Variants in TRHDE observed in about 807,000 individuals in gnomAD.
The protein encoded by TRHDE is thyrotropin releasing hormone degrading enzyme.
A neutral mutation model predicts 125.7 loss-of-function variants in TRHDE; 72 were observed. That is an observed-to-expected ratio of 0.57 (90% CI 0.47 to 0.70). TRHDE has a LOEUF of 0.70. Ranked by LOEUF, TRHDE falls within the 30% of genes least tolerant of loss-of-function variation. TRHDE has a pLI of 0.00. For missense variants in TRHDE, 1,110 were observed against 1,327.1 expected, an observed-to-expected ratio of 0.84 and a Z score of 2.54; for synonymous variants, 509 against 509.1, an observed-to-expected ratio of 1.00 and a Z score of 0.00.
In TRHDE at chr12:72,637,079, T is replaced by TACC. The variant is rs1873790322; in HGVS notation, c.2676-15241_2676-15239dup. 5.3e-5 allele frequency among the ~76,000 whole-genome samples: 8 copies of TACC among 152,324 alleles called. No homozygotes were observed. In the South Asian group the frequency reaches 1.2e-3, roughly 24 times the overall value. On this transcript the variant is annotated intron_variant, in intron 15 of 18. Coordinates refer to ENST00000261180, the MANE Select transcript of TRHDE (RefSeq NM_013381.3). ...ATTGGAATAGTTTCAGAAGGAATGG[T>TACC]ACCAGTTCCTCCTTGTACCTCTGGT...
intron 2 of TRHDE, among the ~76,000 whole-genome samples, chr12:72,133,594 A>T (rs1875915415): frequency 1.3e-5 from 2 of 152,182 alleles, no homozygotes; most frequent in African/African-American, 4.8e-5. Flanking sequence ...GATGGACTAA[A>T]ATTACATTAA....
intron 12 of TRHDE, among the ~76,000 whole-genome samples, chr12:72,590,960 T>G (rs1251036509): frequency 6.6e-6 from 1 of 152,196 alleles, no homozygotes; most frequent in African/African-American, 2.4e-5. Flanking sequence ...GTTCTCACAC[T>G]GAGACTGGGT....
intron 2 of TRHDE, among the ~76,000 whole-genome samples, chr12:72,198,663 A>C (rs192808487): frequency 2.2e-4 from 33 of 152,300 alleles, no homozygotes; most frequent in African/African-American, 7.9e-4. Context: ...GCTTTGGGCA[A>C]ATTCTTAATA....
chr12:72,263,119 T>C (rs996005299), intron 2 of TRHDE: 2 of 152,074 alleles, frequency 1.3e-5, no homozygotes, highest in African/African-American at 4.8e-5. Flanking sequence ...ATATAGTTCA[T>C]AAAAATAAAA....
At position 72,139,822 on chromosome 12, in the gene TRHDE, T is replaced by G. The variant is rs1289044110; in HGVS notation, n.279+34070T>G. On this transcript the variant is annotated intron_variant and non_coding_transcript_variant, in intron 2 of 4. Transcript: ENST00000548156. ...GGTCAAGGGCATTTTAAAGTAAACC[T>G]GAAACACTAGTTCTGGTCATGATGG... is the stretch of plus-strand genomic sequence containing the variant. Among the ~76,000 whole-genome samples the G allele has an allele frequency of 3.9e-5, 6 of 152,116 alleles. No individual in the cohort carries two copies. In the East Asian group the frequency reaches 9.7e-4, roughly 24 times the overall value.
chr12:72,538,842 C>T (rs938229813), intron 6 of TRHDE, among the ~76,000 whole-genome samples: 2 of 151,836 alleles, frequency 1.3e-5, no homozygotes, highest in Non-Finnish European at 2.9e-5. Context: ...TTACTTCTTC[C>T]TTGGAGTATC....
At chr12:72,164,723 G>A (rs182690893) in intron 2 of TRHDE, among the ~76,000 whole-genome samples, 34 of 152,302 alleles carry the variant, frequency 2.2e-4, no homozygotes, top group African/African-American at 8.2e-4. Context: ...AGTTTGTATA[G>A]CATTTTCACT....
chr12:72,377,865 T>A, intron 2 of TRHDE, 130 bp from the exon 3 acceptor site: 1 of 578,810 alleles, frequency 1.7e-6, no homozygotes, highest in Non-Finnish European at 2.8e-6. Flanking sequence ...TGCTTTGATA[T>A]AGTGTATGAA....
chr12:72,390,413 C>G (rs989642226), intron 3 of TRHDE, among the ~76,000 whole-genome samples: 1 of 152,030 alleles, frequency 6.6e-6, no homozygotes, highest in Admixed American at 6.6e-5. Context: ...CTGCTGACAG[C>G]AGCACTGCCA....
rs76377291 is a variant in TRHDE at position 72,621,044 on chromosome 12, T to C, written c.2470-64T>C. On this transcript the variant is annotated intron_variant, in intron 13 of 18. Coordinates refer to ENST00000261180, the MANE Select transcript of TRHDE (RefSeq NM_013381.3). ...AATATTTTAATTTTATTACAGAATT[T>C]TAATTGTCAGCATACAGAAGTTTTA... 0.018 allele frequency: 14,070 copies of C among 765,038 alleles called. 1,437 individuals are homozygous for C. The African/African-American group carries it at 0.23, about 12-fold the overall frequency. 47.4% of individuals were successfully genotyped at this position (765,038 alleles called of 1,614,324 possible). A position where few individuals can be genotyped will look rare whatever the true frequency, so the allele number is the denominator to read the frequency against.
chr12:72,462,116 G>A (rs904185519), intron 3 of TRHDE, among the ~76,000 whole-genome samples: 96 of 152,150 alleles, frequency 6.3e-4, no homozygotes, highest in African/African-American at 2.2e-3. Flanking sequence ...CTTCTGCCAA[G>A]AAGATCTGAG....
At chr12:72,656,823 C>A in intron 17 of TRHDE, 104 bp from the exon 18 acceptor site, 2 of 760,514 alleles carry the variant, frequency 2.6e-6, no homozygotes, top group Non-Finnish European at 4.5e-6. Context: ...TCTCTGACAA[C>A]ACTGAGCAAA....
At chr12:72,535,662 T>G (rs1247940097) in intron 6 of TRHDE, among the ~76,000 whole-genome samples, 2 of 151,978 alleles carry the variant, frequency 1.3e-5, no homozygotes, top group African/African-American at 2.4e-5. Flanking sequence ...CTTCAGATGC[T>G]AAATATAGCT....
chr12:72,283,652 A>G (rs1425319938), intron 1 of TRHDE, among the ~76,000 whole-genome samples: 1 of 152,150 alleles, frequency 6.6e-6, no homozygotes, highest in Non-Finnish European at 1.5e-5. Context: ...GGTAAGGCAA[A>G]AAGAGATTGC....
At chr12:72,263,543 C>G (rs575876423) in intron 2 of TRHDE, 1 of 151,928 alleles carries the variant, frequency 6.6e-6, no homozygotes, top group Non-Finnish European at 1.5e-5. Flanking sequence ...GCTCCTATAC[C>G]GAATCCATAG....
At chr12:72,161,721 T>C (rs1876642655) in intron 2 of TRHDE, among the ~76,000 whole-genome samples, 1 of 152,172 alleles carries the variant, frequency 6.6e-6, no homozygotes, top group Non-Finnish European at 1.5e-5. Flanking sequence ...AGGGAGAGGA[T>C]TGGTTTATTT....
chr12:72,520,691 C>G (rs542911997), intron 6 of TRHDE, among the ~76,000 whole-genome samples: 2 of 152,222 alleles, frequency 1.3e-5, no homozygotes, highest in South Asian at 4.2e-4. Flanking sequence ...GTTTCTTTAC[C>G]AAATTATAGC....
intron 3 of TRHDE, among the ~76,000 whole-genome samples, chr12:72,449,050 C>T (rs1030960410): frequency 1.3e-5 from 2 of 151,918 alleles, no homozygotes; most frequent in African/African-American, 4.8e-5. Flanking sequence ...TTGAACATGT[C>T]AACAGAGCAT....
intron 5 of TRHDE, among the ~76,000 whole-genome samples, chr12:72,495,063 T>TC (rs1188007962): frequency 7.4e-6 from 1 of 134,772 alleles, no homozygotes; most frequent in African/African-American, 2.7e-5. Context: ...CTCCCCCGTT[T>TC]TTTTTTTTTT....
Sources: allele counts gnomAD v4.1 joint callset (sites outside exome capture counted in the v4.1 genomes callset), GRCh38; gene constraint gnomAD v4.1.1; transcripts MANE v1.5; gene names NCBI Gene and HGNC (gene_info 2026-07-23, HGNC 2026-07-21).